Variants in INO80 observed in about 807,000 individuals in gnomAD.
The protein encoded by INO80 is chromatin-remodeling ATPase INO80.
In INO80, 20 loss-of-function variants were observed where a neutral mutation model predicts 203.4. The observed-to-expected ratio is 0.10, with a 90% CI of 0.07 to 0.14. The LOEUF (loss-of-function observed/expected upper bound fraction) is 0.14, where lower values mean the gene tolerates loss of function less well. INO80 is among the 10% of genes least tolerant of loss of function. INO80 has a pLI of 1.00. For missense variants in INO80, 1,419 were observed against 1,914.4 expected (o/e 0.74, Z 4.83); for synonymous variants, 726 against 685.2 (o/e 1.06, Z -0.93).
At chr15:41,078,254 G>C (rs1016797868) in intron 9 of INO80, among the ~76,000 whole-genome samples, 1 of 151,860 alleles carries the variant, frequency 6.6e-6, no homozygotes, top group Non-Finnish European at 1.5e-5. Flanking sequence ...AATGAACGAA[G>C]TAGATTAAGA....
In INO80 at chr15:41,071,888, T is replaced by C; in HGVS notation, c.1566A>G (p.Gln522=). 1.9e-6 allele frequency: 3 copies of C among 1,614,084 alleles called. No individual in the cohort carries two copies. The highest frequency in any genetic ancestry group is 2.5e-6 in the Non-Finnish European group (3 of 1,179,976). Residue 522 remains glutamine (Q), a synonymous_variant, in exon 12 of 36, where the codon CAA becomes CAG. Coordinates refer to ENST00000648947, the MANE Select transcript of INO80 (RefSeq NM_017553.3). ...TIFNGKLKGY[Q]LKGMNWLANL... The stretch of plus-strand genomic sequence containing the variant: ...TGGCCAACCAATTCATGCCTTTCAG[T>C]TGATAACCTTTCAATTTGCCATTAA...
chr15:41,056,013 C>A (rs1476605469), intron 17 of INO80, among the ~76,000 whole-genome samples: 1 of 142,876 alleles, frequency 7.0e-6, no homozygotes, highest in Non-Finnish European at 1.5e-5. Context: ...GGCACAATCT[C>A]GGCTCATTGT....
chr15:40,993,126 A>C (rs1170044379), intron 29 of INO80, among the ~76,000 whole-genome samples: 1 of 152,150 alleles, frequency 6.6e-6, no homozygotes, highest in East Asian at 1.9e-4. Flanking sequence ...AGGATGAAAA[A>C]AGAATTCCTA....
intron 24 of INO80, among the ~76,000 whole-genome samples, chr15:41,034,470 G>A (rs1012747842): frequency 6.6e-6 from 1 of 152,184 alleles, no homozygotes; most frequent in African/African-American, 2.4e-5. Flanking sequence ...CTCCACAGAG[G>A]AAGAAAAACA....
At chr15:41,027,532 C>T in intron 25 of INO80, 64 bp downstream of exon 25, 1 of 1,329,272 alleles carries the variant, frequency 7.5e-7, no homozygotes, top group Admixed American at 2.4e-5. Context: ...AAATAAATCC[C>T]TTAAAAATTG....
At chr15:41,042,566 C>T (rs2044686254) in intron 24 of INO80, among the ~76,000 whole-genome samples, 1 of 152,008 alleles carries the variant, frequency 6.6e-6, no homozygotes, top group African/African-American at 2.4e-5. Flanking sequence ...CTCAGCCTCC[C>T]GTGTTCAAGA....
intron 7 of INO80, among the ~76,000 whole-genome samples, chr15:41,084,624 CAT>C (rs2140636679): frequency 6.6e-6 from 1 of 152,254 alleles, no homozygotes; most frequent in Non-Finnish European, 1.5e-5. Context: ...AATGCTTATA[CAT>C]GTTTAACTCG....
At chr15:41,028,849 C>T (rs140697616) in intron 24 of INO80, among the ~76,000 whole-genome samples, 87 of 151,320 alleles carry the variant, frequency 5.7e-4, no homozygotes, top group African/African-American at 1.6e-3. Context: ...AGTGAAATTC[C>T]GTCCCAAAAA....
chr15:40,980,021 C>T lies in INO80; in HGVS notation c.*202G>A. Reference sequence around the variant, plus strand: ...CTGATCCATGCCCTGTGGCCTTCCTCCTACAGGCACCCCAGATGCTCCTGA... The same window carrying T: ...CTGATCCATGCCCTGTGGCCTTCCTTCTACAGGCACCCCAGATGCTCCTGA... On this transcript the variant is annotated 3_prime_UTR_variant, in exon 36 of 36. Coordinates refer to ENST00000648947, the MANE Select transcript of INO80 (RefSeq NM_017553.3). The T allele has an allele frequency of 1.7e-6, 1 of 592,720 alleles. No individual in the cohort carries two copies. The highest frequency in any genetic ancestry group is 2.9e-5 in the East Asian group (1 of 35,034). 36.7% of individuals were successfully genotyped at this position (592,720 alleles called of 1,614,324 possible). A position where few individuals can be genotyped will look rare whatever the true frequency, so the allele number is the denominator to read the frequency against.
At chr15:41,109,890 C>A (rs1282161579) in intron 1 of INO80, among the ~76,000 whole-genome samples, 1 of 151,352 alleles carries the variant, frequency 6.6e-6, no homozygotes, top group South Asian at 2.1e-4. Context: ...CGAGATAGTA[C>A]CACTGCACTC....
chr15:41,049,153 CA>C, intron 21 of INO80, 133 bp downstream of exon 21: 1 of 708,110 alleles, frequency 1.4e-6, no homozygotes, highest in Middle Eastern at 3.9e-4. Context: ...GATCCCTCAA[CA>C]AATAGTTGTC....
At chr15:41,032,073 GACAGCACAGCACAGC>G (rs1243732624) in intron 24 of INO80, among the ~76,000 whole-genome samples, 3 of 52,444 alleles carry the variant, frequency 5.7e-5, no homozygotes, top group African/African-American at 1.8e-4. Context: ...GACAGCACAG[GACAGCACAGCACAGC>G]ACAGCACAGC....
chr15:41,046,247 ATATATATATT>A (rs2044764591), intron 23 of INO80, among the ~76,000 whole-genome samples: 1 of 119,636 alleles, frequency 8.4e-6, no homozygotes, highest in Admixed American at 8.2e-5. Flanking sequence ...ATATATATAT[ATATATATATT>A]CTTGTTCTGT....
chr15:40,987,322 C>T lies in INO80; in HGVS notation c.3730-129G>A, dbSNP rs890761139. 1.6e-5 allele frequency: 9 copies of T among 573,854 alleles called. No homozygotes were observed. In the Admixed American group the frequency reaches 2.4e-4, roughly 15 times the overall value. The allele number at this position is 573,854 out of a possible 1,614,324, so 35.5% of individuals were successfully genotyped here. A position where few individuals can be genotyped will look rare whatever the true frequency, so the allele number is the denominator to read the frequency against. ...CCTCTGGTTTCCTATTTCTTCTTTT[C>T]TCCCTTTTCATTTCAGTTCATCTGA... On this transcript the variant is annotated intron_variant, in intron 30 of 35. Coordinates refer to ENST00000648947, the MANE Select transcript of INO80 (RefSeq NM_017553.3).
chr15:41,018,848 T>C (rs7169375), intron 26 of INO80: 63,968 of 152,086 alleles, frequency 0.42, 13,646 homozygotes, highest in Middle Eastern at 0.48. Flanking sequence ...CAGCTGATTC[T>C]GCTAAGTCAA....
At chr15:41,108,743 T>C (rs1175771655) in intron 1 of INO80, 1 of 152,228 alleles carries the variant, frequency 6.6e-6, no homozygotes, top group East Asian at 1.9e-4. Context: ...GTATCAGGAA[T>C]GGTACTAAGT....
chr15:41,049,882 C>A, intron 20 of INO80, 53 bp downstream of exon 20: 2 of 1,522,360 alleles, frequency 1.3e-6, no homozygotes, highest in South Asian at 2.4e-5. Context: ...CAAGACAATT[C>A]TATCTCAAAA....
At chr15:41,037,814 A>G (rs1028048932) in intron 24 of INO80, among the ~76,000 whole-genome samples, 1 of 149,884 alleles carries the variant, frequency 6.7e-6, no homozygotes, top group East Asian at 2.1e-4. Context: ...GTGGTGGTGC[A>G]CGCCTGTAGT....
intron 5 of INO80, among the ~76,000 whole-genome samples, chr15:41,088,039 A>G (rs1040759420): frequency 2.0e-5 from 3 of 149,238 alleles, no homozygotes; most frequent in Admixed American, 6.7e-5. Context: ...CCATACTTCT[A>G]TTACCAACAG....
Sources: allele counts gnomAD v4.1 joint callset (sites outside exome capture counted in the v4.1 genomes callset), GRCh38; gene constraint gnomAD v4.1.1; transcripts MANE v1.5; gene names NCBI Gene and HGNC (gene_info 2026-07-23, HGNC 2026-07-21).